LTBP1: variants seen among roughly 807,000 people sequenced by gnomAD.
The protein encoded by LTBP1 is latent transforming growth factor beta binding protein 1, also known as latent-transforming growth factor beta-binding protein 1.
A neutral mutation model predicts 207.6 loss-of-function variants in LTBP1; 129 were observed. The observed-to-expected ratio is 0.62, with a 90% CI of 0.54 to 0.72. The LOEUF (loss-of-function observed/expected upper bound fraction) is 0.72, where lower values mean the gene tolerates loss of function less well. Among genes scored for constraint, LTBP1 ranks in the 30% least tolerant of loss-of-function variants. The pLI is 0.00. For synonymous variants in LTBP1, 963 were observed against 833.7 expected (o/e 1.16, Z -2.67); for missense variants, 2,281 against 2,217.2 (o/e 1.03, Z -0.58).
At chr2:33,063,755 G>A (rs543690441) in intron 3 of LTBP1, among the ~76,000 whole-genome samples, 1 of 152,076 alleles carries the variant, frequency 6.6e-6, no homozygotes, top group East Asian at 1.9e-4. Flanking sequence ...TTCAATCCAT[G>A]AATATGGTAT....
chr2:33,006,610 T>A (rs113676784), intron 2 of LTBP1, among the ~76,000 whole-genome samples: 1 of 151,994 alleles, frequency 6.6e-6, no homozygotes, highest in African/African-American at 2.4e-5. Flanking sequence ...CTCAAACTCC[T>A]GACTTCAAGT....
At chr2:32,967,711 T>C (rs1680208682) in intron 2 of LTBP1, among the ~76,000 whole-genome samples, 1 of 152,212 alleles carries the variant, frequency 6.6e-6, no homozygotes, top group Non-Finnish European at 1.5e-5. Context: ...TTTAAGTTTG[T>C]TAAGATGTGT....
chr2:33,045,912 G>C (rs1375327054), intron 3 of LTBP1, among the ~76,000 whole-genome samples: 3 of 151,250 alleles, frequency 2.0e-5, no homozygotes, highest in Admixed American at 2.0e-4. Context: ...TTGGCTCTCT[G>C]TCTGTCTATT....
chr2:33,022,265 CT>C (rs3047211), intron 3 of LTBP1, among the ~76,000 whole-genome samples: 1,892 of 125,200 alleles, frequency 0.015, 33 homozygotes, highest in African/African-American at 0.048. Flanking sequence ...CCTCAATCCT[CT>C]TTTTTTTTTT....
intron 17 of LTBP1, 150 bp from the exon 18 acceptor site, chr2:33,275,650 CT>C: frequency 5.5e-6 from 5 of 905,244 alleles, no homozygotes; most frequent in Non-Finnish European, 8.5e-6. Flanking sequence ...CACCATTGCA[CT>C]CCAGCCTGGG....
chr2:33,135,967 TG>T (rs1553420850), intron 5 of LTBP1, among the ~76,000 whole-genome samples: 2 of 152,086 alleles, frequency 1.3e-5, no homozygotes, highest in African/African-American at 4.8e-5. Flanking sequence ...AGTGTGTGTC[TG>T]GGGGGGTGGT....
At chr2:33,118,287 C>T (rs900036604) in intron 4 of LTBP1, among the ~76,000 whole-genome samples, 2 of 151,884 alleles carry the variant, frequency 1.3e-5, no homozygotes, top group Non-Finnish European at 2.9e-5. Context: ...GAAGTTGGAC[C>T]AGCCATGAAT....
intron 3 of LTBP1, among the ~76,000 whole-genome samples, chr2:33,107,245 T>C (rs890420450): frequency 6.6e-6 from 1 of 152,244 alleles, no homozygotes; most frequent in African/African-American, 2.4e-5. Flanking sequence ...TATGTAGATA[T>C]GTATTCGATC....
At chr2:33,032,200 A>G (rs2149327583) in intron 3 of LTBP1, among the ~76,000 whole-genome samples, 1 of 152,324 alleles carries the variant, frequency 6.6e-6, no homozygotes, top group East Asian at 1.9e-4. Flanking sequence ...ATATCATTGA[A>G]GGCTTCCTGT....
chr2:33,254,162 A>G (rs971092644), intron 11 of LTBP1, among the ~76,000 whole-genome samples: 3 of 151,854 alleles, frequency 2.0e-5, no homozygotes, highest in South Asian at 4.2e-4. Context: ...GATTACAGGG[A>G]TGGTTCCACT....
At chr2:33,020,712 G>C (rs1190182911) in intron 2 of LTBP1, among the ~76,000 whole-genome samples, 197 bp from the exon 3 acceptor site, 1 of 152,104 alleles carries the variant, frequency 6.6e-6, no homozygotes, top group Non-Finnish European at 1.5e-5. Flanking sequence ...TTAGAACAGT[G>C]CCTGTCACAT....
At chr2:32,978,941 G>A (rs556612411) in intron 2 of LTBP1, among the ~76,000 whole-genome samples, 3 of 151,930 alleles carry the variant, frequency 2.0e-5, no homozygotes, top group African/African-American at 4.8e-5. Flanking sequence ...TAGGTTGTAT[G>A]TGTCTGGGAG....
intron 4 of LTBP1, among the ~76,000 whole-genome samples, chr2:33,124,486 T>C (rs1450093472): frequency 3.3e-5 from 5 of 152,232 alleles, no homozygotes; most frequent in Non-Finnish European, 7.3e-5. Context: ...ATGTTCATTA[T>C]GATACCTGTC....
At chr2:33,007,653 A>G (rs768292336) in intron 2 of LTBP1, among the ~76,000 whole-genome samples, 1 of 152,232 alleles carries the variant, frequency 6.6e-6, no homozygotes, top group African/African-American at 2.4e-5. Flanking sequence ...TTAATGTAGA[A>G]TTCCAATAGT....
intron 22 of LTBP1, among the ~76,000 whole-genome samples, chr2:33,306,390 TA>T (rs2149097001): frequency 1.3e-5 from 2 of 151,844 alleles, no homozygotes; most frequent in African/African-American, 4.8e-5. Context: ...GCCAACATGG[TA>T]AAACCCCATC....
At chr2:33,216,701 G>A (rs973511985) in intron 7 of LTBP1, among the ~76,000 whole-genome samples, 2 of 152,182 alleles carry the variant, frequency 1.3e-5, no homozygotes, top group African/African-American at 4.8e-5. Flanking sequence ...TAGCAGGGGT[G>A]GAGAGTCAGC....
chr2:33,254,393 G>A (rs2092769791), intron 11 of LTBP1, among the ~76,000 whole-genome samples: 1 of 151,880 alleles, frequency 6.6e-6, no homozygotes, highest in South Asian at 2.1e-4. Context: ...CTTACATGAA[G>A]CATAAATTGA....
chr2:33,332,372 CAAAAAAA>C (rs745342264), intron 24 of LTBP1, among the ~76,000 whole-genome samples: 16 of 52,476 alleles, frequency 3.0e-4, no homozygotes, highest in South Asian at 9.0e-4. Context: ...ACACCATCTC[CAAAAAAA>C]AAAAAAAAAA....
chr2:33,048,929 T>C (rs1226892645), intron 3 of LTBP1, among the ~76,000 whole-genome samples: 2 of 152,216 alleles, frequency 1.3e-5, no homozygotes, highest in Non-Finnish European at 2.9e-5. Flanking sequence ...CATTTTGAAA[T>C]TGCTGGCCTT....
Sources: allele counts gnomAD v4.1 joint callset (sites outside exome capture counted in the v4.1 genomes callset), GRCh38; gene constraint gnomAD v4.1.1; transcripts MANE v1.5; gene names NCBI Gene and HGNC (gene_info 2026-07-23, HGNC 2026-07-21).